The following FAM168A variants were observed in gnomAD, a reference collection of about 807,000 sequenced individuals.
FAM168A encodes protein FAM168A.
In FAM168A, 3 loss-of-function variants were observed where a neutral mutation model predicts 28.5. The ratio of observed to expected loss-of-function variants is 0.11; its 90% CI spans 0.05 to 0.27. The LOEUF is 0.27. Among genes scored for constraint, FAM168A ranks in the 10% least tolerant of loss-of-function variants. The pLI is 1.00. For missense variants in FAM168A, 222 were observed against 311.5 expected (o/e 0.71, Z 2.16); for synonymous variants, 122 against 124.2 (o/e 0.98, Z 0.12).
intron 2 of FAM168A, among the ~76,000 whole-genome samples, chr11:73,462,912 G>C (rs916523964): frequency 6.6e-6 from 1 of 150,972 alleles, no homozygotes; most frequent in Non-Finnish European, 1.5e-5. Flanking sequence ...GAAGAGAGGA[G>C]AGGAGAAGAG....
chr11:73,504,851 G>T (rs908372178), intron 1 of FAM168A, among the ~76,000 whole-genome samples: 51 of 152,288 alleles, frequency 3.3e-4, no homozygotes, highest in Non-Finnish European at 1.0e-4. Flanking sequence ...CATTTCCTTT[G>T]CAGAGACATG....
intron 1 of FAM168A, among the ~76,000 whole-genome samples, chr11:73,538,463 C>A (rs1182785059): frequency 6.6e-6 from 1 of 152,138 alleles, no homozygotes; most frequent in Non-Finnish European, 1.5e-5. Context: ...GATCTCCATT[C>A]CAGAATTTTA....
chr11:73,430,938 C>A (rs1006689245), intron 2 of FAM168A, among the ~76,000 whole-genome samples, 168 bp from the exon 3 acceptor site: 1 of 152,172 alleles, frequency 6.6e-6, no homozygotes, highest in Non-Finnish European at 1.5e-5. Flanking sequence ...CAGCTTTCAG[C>A]CTCTCAAGAG....
intron 2 of FAM168A, among the ~76,000 whole-genome samples, chr11:73,438,150 A>C (rs1867126206): frequency 6.6e-6 from 1 of 152,138 alleles, no homozygotes; most frequent in Admixed American, 6.5e-5. Flanking sequence ...TCATCATCAT[A>C]GCATCTGGCA....
At chr11:73,411,664 C>A in intron 4 of FAM168A, 128 bp from the exon 5 acceptor site, 1 of 1,006,902 alleles carries the variant, frequency 9.9e-7, no homozygotes. Context: ...GAGATGAGAA[C>A]AAACAGAGAA....
chr11:73,575,803 A>G (rs1565305342), intron 1 of FAM168A, among the ~76,000 whole-genome samples: 1 of 152,088 alleles, frequency 6.6e-6, no homozygotes, highest in Non-Finnish European at 1.5e-5. Context: ...TGGGAGGTGG[A>G]GGTTGCAGTG....
intron 1 of FAM168A, among the ~76,000 whole-genome samples, chr11:73,514,222 A>ACCCT (rs1434201180): frequency 3.3e-5 from 5 of 152,092 alleles, no homozygotes; most frequent in Non-Finnish European, 5.9e-5. Context: ...ACAGAGTGAG[A>ACCCT]CCCTCTCTCA....
In FAM168A at chr11:73,498,590, G is replaced by C. The variant is rs146971977; in HGVS notation, c.-18-30098C>G. ...TGGGGAGGGGCAGCAACCAGCATTG[G>C]AACTCGCAACTGCCTGACATGCTAA... On this transcript the variant is annotated intron_variant, in intron 1 of 7. Coordinates refer to ENST00000356467, the MANE Select transcript of FAM168A (RefSeq NM_015159.3). Among the ~76,000 whole-genome samples, 116 of 152,296 alleles carry C rather than the reference G, an allele frequency of 7.6e-4. 1 individual carries two copies. The East Asian group carries it at 0.022, about 29-fold the overall frequency.
chr11:73,483,665 C>T (rs1480490774), intron 1 of FAM168A, among the ~76,000 whole-genome samples: 2 of 152,038 alleles, frequency 1.3e-5, no homozygotes, highest in Non-Finnish European at 2.9e-5. Context: ...ATTTTGCAGT[C>T]GGAACTGACA....
chr11:73,417,494 C>T (rs367614923), intron 4 of FAM168A, among the ~76,000 whole-genome samples: 4 of 151,392 alleles, frequency 2.6e-5, no homozygotes, highest in African/African-American at 7.3e-5. Context: ...TATAATCTTA[C>T]GTATGTTCAT....
Position 73,546,009 on chromosome 11 carries a change from C to G in FAM168A, c.-19+51914G>C, listed in dbSNP as rs144538065. Among the ~76,000 whole-genome samples the G allele has an allele frequency of 4.7e-3, 718 of 152,300 alleles. 10 individuals are homozygous for G. The highest frequency in any genetic ancestry group is 0.015 in the African/African-American group (603 of 41,546). On this transcript the variant is annotated intron_variant, in intron 1 of 7. Coordinates refer to ENST00000356467, the MANE Select transcript of FAM168A (RefSeq NM_015159.3). ...CAGAGCCAAGAGTTGATTCTACATT[C>G]ACTACCTCAATCTAGGGCTCTTTCT...
intron 2 of FAM168A, among the ~76,000 whole-genome samples, chr11:73,456,711 C>T (rs1296931040): frequency 2.0e-5 from 3 of 152,242 alleles, no homozygotes; most frequent in Non-Finnish European, 2.9e-5. Flanking sequence ...ACTACTGAGC[C>T]AGCAGAAACT....
chr11:73,441,925 G>A (rs1487485082), intron 2 of FAM168A, among the ~76,000 whole-genome samples: 1 of 152,072 alleles, frequency 6.6e-6, no homozygotes, highest in East Asian at 1.9e-4. Flanking sequence ...CCTAGCTAAA[G>A]CTAAAAAGGT....
intron 1 of FAM168A, among the ~76,000 whole-genome samples, chr11:73,575,817 C>T (rs942356640): frequency 6.6e-5 from 10 of 151,700 alleles, no homozygotes; most frequent in African/African-American, 2.4e-4. Context: ...TGCAGTGAAC[C>T]GAGATCGTGC....
chr11:73,429,954 C>G (rs1866954630), intron 3 of FAM168A, among the ~76,000 whole-genome samples: 1 of 152,090 alleles, frequency 6.6e-6, no homozygotes, highest in Non-Finnish European at 1.5e-5. Flanking sequence ...GGTGACTTGC[C>G]CAAGGCCTTA....
intron 1 of FAM168A, among the ~76,000 whole-genome samples, chr11:73,556,992 G>A (rs567577906): frequency 7.5e-4 from 113 of 151,638 alleles, no homozygotes; most frequent in Admixed American, 2.6e-3. Context: ...TCACACCACT[G>A]CACTCCAGTC....
At chr11:73,437,299 T>C (rs1417151257) in intron 2 of FAM168A, among the ~76,000 whole-genome samples, 2 of 152,000 alleles carry the variant, frequency 1.3e-5, no homozygotes, top group African/African-American at 4.8e-5. Flanking sequence ...GGTTTCATCA[T>C]GTTGGCCAAG....
At position 73,518,323 on chromosome 11, in the gene FAM168A, C is replaced by A. The variant is rs557501366; in HGVS notation, c.-18-49831G>T. Among the ~76,000 whole-genome samples, 28 of 151,796 alleles carry A rather than the reference C, an allele frequency of 1.8e-4. No homozygotes were observed. In the South Asian group the frequency reaches 4.4e-3, roughly 24 times the overall value. ...TAGTTTGGAAATCTGACCTTCCAAA[C>A]CTCATGTTGAAATTTGATCCCCTAT... On this transcript the variant is annotated intron_variant, in intron 1 of 7. Transcript: ENST00000356467.
At chr11:73,442,286 C>T (rs533898239) in intron 2 of FAM168A, among the ~76,000 whole-genome samples, 13 of 152,140 alleles carry the variant, frequency 8.5e-5, no homozygotes, top group Admixed American at 2.0e-4. Flanking sequence ...CCACCACGCA[C>T]GGCTAATTTT....
Sources: allele counts gnomAD v4.1 joint callset (sites outside exome capture counted in the v4.1 genomes callset), GRCh38; gene constraint gnomAD v4.1.1; transcripts MANE v1.5; gene names NCBI Gene and HGNC (gene_info 2026-07-23, HGNC 2026-07-21).